CCSER1: variants seen among roughly 807,000 people sequenced by gnomAD.
CCSER1 encodes serine-rich coiled-coil domain-containing protein 1.
CCSER1 carries 41 observed loss-of-function variants against 82.0 expected under a neutral mutation model. That is an observed-to-expected ratio of 0.50 (90% CI 0.39 to 0.65). The LOEUF is 0.65. Ranked by LOEUF, CCSER1 falls within the 30% of genes least tolerant of loss-of-function variation. The probability of loss-of-function intolerance (pLI) is 0.00; values close to 1 mark genes in which losing one functional copy is unlikely to be tolerated. For missense variants in CCSER1, 1,119 were observed against 1,064.2 expected, an observed-to-expected ratio of 1.05 and a Z score of -0.72; for synonymous variants, 414 against 383.9, an observed-to-expected ratio of 1.08 and a Z score of -0.92.
Position 90,553,470 on chromosome 4 carries a change from A to G in CCSER1, c.1725-74555A>G, listed in dbSNP as rs556236398. On this transcript the variant is annotated intron_variant, in intron 5 of 10. Transcript: ENST00000509176. ...CTTAATATTATTTCCTGTTACATGC[A>G]TTTTCTGGTTCTTGTTTTTAATAAT... Among the ~76,000 whole-genome samples the G allele has an allele frequency of 2.0e-5, 3 of 152,242 alleles. No individual in the cohort carries two copies. In the South Asian group the frequency reaches 6.2e-4, roughly 32 times the overall value.
At chr4:90,150,393 A>T (rs1289393410) in intron 1 of CCSER1, among the ~76,000 whole-genome samples, 1 of 152,148 alleles carries the variant, frequency 6.6e-6, no homozygotes, top group Non-Finnish European at 1.5e-5. Flanking sequence ...GGGGTTTCAC[A>T]CATTTGGTGA....
In CCSER1 at chr4:91,368,712, ATTTAC is replaced by A. The variant is rs531568492; in HGVS notation, c.2218-229855_2218-229851del. ...CACATTTTAGTTTGGTAGCAATTTC[ATTTAC>A]TTTAATCAGTCTTTTATACTGGAAA... is the stretch of plus-strand genomic sequence containing the variant. On this transcript the variant is annotated intron_variant, in intron 10 of 10. Coordinates refer to ENST00000509176, the MANE Select transcript of CCSER1 (RefSeq NM_001145065.2). Among the ~76,000 whole-genome samples, 379 of 152,248 alleles carry A rather than the reference ATTTAC, an allele frequency of 2.5e-3. 5 individuals carry two copies. Among genetic ancestry groups the A allele is most frequent in the African/African-American group, 8.6e-3 (358 of 41,562 alleles).
rs145814374 is a variant in CCSER1, at chr4:90,727,989, T to A, written c.2010+3998T>A. On this transcript the variant is annotated intron_variant, in intron 7 of 10. Transcript: ENST00000509176. ...TTCTTTGAACTTCTGAAGACTTTTG[T>A]AGCTTCAAAAGTACACAAAGGCATT... 9.2e-3 allele frequency among the ~76,000 whole-genome samples: 1,395 copies of A among 152,314 alleles called. 22 individuals are homozygous for A. The highest frequency in any genetic ancestry group is 0.032 in the African/African-American group (1,311 of 41,572).
intron 5 of CCSER1, among the ~76,000 whole-genome samples, chr4:90,514,812 T>C (rs1262815744): frequency 3.9e-5 from 6 of 151,970 alleles, no homozygotes; most frequent in Admixed American, 3.3e-4. Flanking sequence ...TGATTACATA[T>C]AGGTGTATGA....
At chr4:90,153,428 A>T (rs961017956) in intron 1 of CCSER1, among the ~76,000 whole-genome samples, 1 of 152,028 alleles carries the variant, frequency 6.6e-6, no homozygotes, top group Non-Finnish European at 1.5e-5. Flanking sequence ...GTCAAATGGT[A>T]TTTCTAGTTC....
In CCSER1 at chr4:90,561,182, T is replaced by A. The variant is rs569548732; in HGVS notation, c.1725-66843T>A. On this transcript the variant is annotated intron_variant, in intron 5 of 10. Transcript: ENST00000509176. ...TCTGTCCAGAAACAGAAAGCACCTC[T>A]CATTTTCCATTGATCCTTTTCTATC... Among the ~76,000 whole-genome samples, 88 of 152,320 alleles carry A rather than the reference T, an allele frequency of 5.8e-4. 1 individual carries two copies. In the South Asian group the frequency reaches 0.018, roughly 31 times the overall value.
At chr4:90,329,290 T>A (rs1331242255) in intron 3 of CCSER1, among the ~76,000 whole-genome samples, 1 of 152,180 alleles carries the variant, frequency 6.6e-6, no homozygotes, top group Non-Finnish European at 1.5e-5. Flanking sequence ...AAGATAATAA[T>A]AATACTGCCC....
At chr4:91,390,186 A>C (rs1751562578) in intron 10 of CCSER1, among the ~76,000 whole-genome samples, 1 of 151,976 alleles carries the variant, frequency 6.6e-6, no homozygotes, top group African/African-American at 2.4e-5. Flanking sequence ...TAAAAAACTC[A>C]ATTTGAGGAA....
At chr4:90,723,458 A>C (rs1211267055) in intron 6 of CCSER1, among the ~76,000 whole-genome samples, 1 of 151,920 alleles carries the variant, frequency 6.6e-6, no homozygotes, top group Non-Finnish European at 1.5e-5. Context: ...ATATTATGGC[A>C]GATTGGTTTA....
At chr4:91,118,024 A>G (rs1726776082) in intron 10 of CCSER1, among the ~76,000 whole-genome samples, 1 of 152,110 alleles carries the variant, frequency 6.6e-6, no homozygotes, top group South Asian at 2.1e-4. Flanking sequence ...TCTAAATTTT[A>G]TTATGTATTA....
intron 1 of CCSER1, among the ~76,000 whole-genome samples, chr4:90,245,169 A>T (rs1194457311): frequency 6.6e-6 from 1 of 152,214 alleles, no homozygotes; most frequent in East Asian, 1.9e-4. Context: ...ACTGGAGATT[A>T]TATTTTTCTG....
chr4:91,418,694 G>A (rs760897189), intron 10 of CCSER1, among the ~76,000 whole-genome samples: 59 of 152,034 alleles, frequency 3.9e-4, no homozygotes, highest in Non-Finnish European at 8.2e-4. Flanking sequence ...AATTAAAGAA[G>A]AAACACCTCC....
intron 8 of CCSER1, among the ~76,000 whole-genome samples, chr4:90,913,729 G>A (rs558171625): frequency 6.6e-6 from 1 of 152,168 alleles, no homozygotes; most frequent in Non-Finnish European, 1.5e-5. Context: ...CAATAAGTAT[G>A]CTGTATTCAG....
At chr4:91,366,466 T>G (rs1749622434) in intron 10 of CCSER1, among the ~76,000 whole-genome samples, 1 of 152,206 alleles carries the variant, frequency 6.6e-6, no homozygotes, top group Non-Finnish European at 1.5e-5. Context: ...ACAAAAATAG[T>G]CATAATTTTT....
chr4:91,126,170 A>G (rs10031846), intron 10 of CCSER1, among the ~76,000 whole-genome samples: 138,719 of 151,738 alleles, frequency 0.91, 63,517 homozygotes, highest in East Asian at 0.96. Flanking sequence ...TCAATTTATC[A>G]TTCATAAGTT....
At chr4:91,178,958 T>G (rs1469568033) in intron 10 of CCSER1, among the ~76,000 whole-genome samples, 2 of 152,190 alleles carry the variant, frequency 1.3e-5, no homozygotes, top group Non-Finnish European at 2.9e-5. Flanking sequence ...CTTTCCATTT[T>G]TAGTGCTTCC....
chr4:91,187,581 T>A (rs1427263530), intron 10 of CCSER1, among the ~76,000 whole-genome samples: 1 of 152,186 alleles, frequency 6.6e-6, no homozygotes, highest in Non-Finnish European at 1.5e-5. Context: ...GACGGAGTTT[T>A]GCTCTTATCG....
intron 10 of CCSER1, among the ~76,000 whole-genome samples, chr4:91,567,649 G>T (rs555845797): frequency 6.6e-6 from 1 of 152,048 alleles, no homozygotes; most frequent in South Asian, 2.1e-4. Context: ...TGGGTTTTTT[G>T]ATCTTCGTTG....
intron 3 of CCSER1, among the ~76,000 whole-genome samples, chr4:90,314,851 T>C (rs564130764): frequency 7.8e-6 from 1 of 128,378 alleles, no homozygotes; most frequent in East Asian, 2.1e-4. Context: ...TTTTTTTTTT[T>C]TTTTTTTTTT....
Sources: allele counts gnomAD v4.1 joint callset (sites outside exome capture counted in the v4.1 genomes callset), GRCh38; gene constraint gnomAD v4.1.1; transcripts MANE v1.5; gene names NCBI Gene and HGNC (gene_info 2026-07-23, HGNC 2026-07-21).